CPQ: variants seen among roughly 807,000 people sequenced by gnomAD.
CPQ encodes Ser-Met dipeptidase.
In CPQ, 37 loss-of-function variants were observed where a neutral mutation model predicts 45.7. The observed-to-expected ratio is 0.81, with a 90% CI of 0.62 to 1.07. The LOEUF is 1.07. Among genes scored for constraint, CPQ ranks in the 50% least tolerant of loss-of-function variants. CPQ has a pLI of 0.00. For synonymous variants in CPQ, 186 were observed against 205.8 expected, an observed-to-expected ratio of 0.90 and a Z score of 0.82; for missense variants, 537 against 572.9, an observed-to-expected ratio of 0.94 and a Z score of 0.64.
At chr8:96,775,119 A>G (rs558958139) in intron 1 of CPQ, among the ~76,000 whole-genome samples, 3 of 152,242 alleles carry the variant, frequency 2.0e-5, no homozygotes, top group African/African-American at 4.8e-5. Flanking sequence ...TTTGGGTAGA[A>G]CTGGGTCACG....
chr8:97,110,932 T>C (rs1194322970), intron 7 of CPQ, among the ~76,000 whole-genome samples: 1 of 152,234 alleles, frequency 6.6e-6, no homozygotes, highest in East Asian at 1.9e-4. Flanking sequence ...GTGGGGCTCC[T>C]GCGGCCATTT....
chr8:96,671,085 A>G (rs550523165), intron 1 of CPQ, among the ~76,000 whole-genome samples: 7 of 152,296 alleles, frequency 4.6e-5, no homozygotes, highest in East Asian at 3.9e-4. Flanking sequence ...TTATAACTCA[A>G]TGTGAATCTA....
chr8:97,016,764 T>A (rs956543597), intron 5 of CPQ, among the ~76,000 whole-genome samples: 2 of 152,158 alleles, frequency 1.3e-5, no homozygotes, highest in African/African-American at 4.8e-5. Flanking sequence ...AGAGGTATTC[T>A]AGATAGGAAG....
At chr8:97,101,188 A>G (rs1811297985) in intron 7 of CPQ, among the ~76,000 whole-genome samples, 1 of 152,128 alleles carries the variant, frequency 6.6e-6, no homozygotes, top group African/African-American at 2.4e-5. Context: ...ATATATTCCA[A>G]AACTAAAGTC....
intron 7 of CPQ, among the ~76,000 whole-genome samples, chr8:97,104,564 C>T (rs970737163): frequency 2.0e-5 from 3 of 152,178 alleles, no homozygotes; most frequent in Non-Finnish European, 1.5e-5. Context: ...ATCAAGTAAA[C>T]ATTTATTAGC....
rs1810739981 is a variant in CPQ, at chr8:96,784,845, A to G, written c.-34-19A>G. The G allele has an allele frequency of 1.3e-6, 2 of 1,513,794 alleles. No individual in the cohort carries two copies. The highest frequency in any genetic ancestry group is 1.8e-6 in the Non-Finnish European group (2 of 1,121,326). 93.8% of individuals were successfully genotyped at this position (1,513,794 alleles called of 1,614,324 possible). A position where few individuals can be genotyped will look rare whatever the true frequency, so the allele number is the denominator to read the frequency against. On this transcript the variant is annotated intron_variant, in intron 1 of 7. Coordinates refer to ENST00000220763, the MANE Select transcript of CPQ (RefSeq NM_016134.4). ...TGAGATTCTTTTCCCCTAAAACATA[A>G]TGTTTCTTATTTATGTAGATTATCT... is the stretch of plus-strand genomic sequence containing the variant.
chr8:97,107,167 T>C (rs1811418418), intron 7 of CPQ, among the ~76,000 whole-genome samples: 1 of 152,210 alleles, frequency 6.6e-6, no homozygotes, highest in Non-Finnish European at 1.5e-5. Flanking sequence ...TGGAGGCCTA[T>C]ATACAATATT....
chr8:96,863,446 T>C (rs1309147183), intron 3 of CPQ, among the ~76,000 whole-genome samples: 1 of 151,922 alleles, frequency 6.6e-6, no homozygotes, highest in African/African-American at 2.4e-5. Flanking sequence ...GACCCTGGAC[T>C]AAGTGTCTGC....
chr8:97,089,243 CAAA>C (rs61075671), intron 7 of CPQ, among the ~76,000 whole-genome samples: 3 of 122,410 alleles, frequency 2.5e-5, no homozygotes, highest in Non-Finnish European at 5.0e-5. Flanking sequence ...AGCTCAGTCT[CAAA>C]AAAAAAAAAA....
rs918385396 is a variant in CPQ at position 96,710,743 on chromosome 8, T to C, written c.-35+65341T>C. ...TTGATTTCAGTTTTAAAAAACTTAA[T>C]GAGATTTGTTTTGTGGCATGTCATA... On this transcript the variant is annotated intron_variant, in intron 1 of 7. Coordinates refer to ENST00000220763, the MANE Select transcript of CPQ (RefSeq NM_016134.4). Among the ~76,000 whole-genome samples the C allele has an allele frequency of 2.6e-5, 4 of 152,304 alleles. No individual in the cohort carries two copies. In the East Asian group the frequency reaches 7.7e-4, roughly 29 times the overall value.
chr8:96,943,380 C>T (rs990141868), intron 4 of CPQ, among the ~76,000 whole-genome samples: 3 of 152,158 alleles, frequency 2.0e-5, no homozygotes, highest in Non-Finnish European at 4.4e-5. Flanking sequence ...TATTTTCATA[C>T]AATCCATAGA....
At chr8:96,687,686 C>T (rs1479113729) in intron 1 of CPQ, among the ~76,000 whole-genome samples, 9 of 151,334 alleles carry the variant, frequency 5.9e-5, no homozygotes, top group South Asian at 2.1e-4. Flanking sequence ...GTTCTTTCTT[C>T]GATTGTTATT....
At chr8:96,827,886 C>T (rs1811399494) in intron 2 of CPQ, among the ~76,000 whole-genome samples, 1 of 151,806 alleles carries the variant, frequency 6.6e-6, no homozygotes, top group African/African-American at 2.4e-5. Flanking sequence ...TAATAAATAC[C>T]CTGTTTTTTC....
intron 3 of CPQ, among the ~76,000 whole-genome samples, chr8:96,847,819 G>A (rs1811716444): frequency 1.4e-5 from 2 of 145,072 alleles, no homozygotes; most frequent in Admixed American, 1.4e-4. Flanking sequence ...AGTTTCTGCA[G>A]ACTGATATTT....
intron 6 of CPQ, among the ~76,000 whole-genome samples, chr8:97,037,046 T>C (rs1810017412): frequency 6.6e-6 from 1 of 152,204 alleles, no homozygotes; most frequent in Admixed American, 6.5e-5. Flanking sequence ...AAAGCAAAAT[T>C]GAATATTTTG....
chr8:96,712,975 G>A (rs1035111834), intron 1 of CPQ, among the ~76,000 whole-genome samples: 2 of 151,960 alleles, frequency 1.3e-5, no homozygotes, highest in African/African-American at 4.8e-5. Context: ...TTTCTGCCAA[G>A]TACGCTAGAT....
intron 7 of CPQ, among the ~76,000 whole-genome samples, chr8:97,120,724 T>C (rs1013518753): frequency 6.6e-6 from 1 of 152,210 alleles, no homozygotes. Context: ...GTACTTACAA[T>C]TGACAGGGAG....
chr8:96,696,101 C>G (rs1489204545), intron 1 of CPQ, among the ~76,000 whole-genome samples: 1 of 151,842 alleles, frequency 6.6e-6, no homozygotes, highest in African/African-American at 2.4e-5. Context: ...TCATGGAATA[C>G]TATGCAGCCA....
At chr8:96,944,628 C>A (rs541904122) in intron 4 of CPQ, among the ~76,000 whole-genome samples, 1 of 152,084 alleles carries the variant, frequency 6.6e-6, no homozygotes, top group Non-Finnish European at 1.5e-5. Context: ...ATCCACTGTA[C>A]GAGAGTGGAT....
Sources: gnomAD v4.1 joint callset for allele counts (sites outside exome capture counted in the v4.1 genomes callset) on GRCh38, gnomAD v4.1.1 for gene constraint, MANE v1.5 for transcripts, NCBI Gene and HGNC (gene_info 2026-07-23, HGNC 2026-07-21) for gene names.